Variants in FERMT2 observed in about 807,000 individuals in gnomAD.
FERMT2 encodes the protein FERM domain containing kindlin 2.
A neutral mutation model predicts 82.7 loss-of-function variants in FERMT2; 15 were observed. The observed-to-expected ratio is 0.18, with a 90% CI of 0.12 to 0.28. The LOEUF is 0.28. Among genes scored for constraint, FERMT2 ranks in the 10% least tolerant of loss-of-function variants. The pLI, the probability that FERMT2 is intolerant of heterozygous loss-of-function variation, is 1.00. For synonymous variants in FERMT2, 274 were observed against 271.5 expected (o/e 1.01, Z -0.09); for missense variants, 645 against 809.4 (o/e 0.80, Z 2.46).
chr14:52,899,394 T>C (rs1594965072), intron 3 of FERMT2, among the ~76,000 whole-genome samples: 1 of 152,216 alleles, frequency 6.6e-6, no homozygotes, highest in African/African-American at 2.4e-5. Context: ...GCGATTCCCC[T>C]GCCTCAGCCT....
chr14:52,860,347 A>G lies in FERMT2; in HGVS notation c.1721T>C (p.Ile574Thr). The change falls in exon 13 of 15, where the codon ATT (isoleucine) becomes ACT (threonine). Residue 574 changes from isoleucine to threonine, a missense_variant. Physicochemically the swap from Ile to Thr is moderately conservative, Grantham distance 89 (BLOSUM62 -1). Coordinates refer to ENST00000341590, the MANE Select transcript of FERMT2 (RefSeq NM_006832.3). ...SLPEFGITHF[I>T]ARFQGGKKEE... is the part of the protein sequence containing the mutation. ...GATGCTTAGAACCACTGACCTTGCA[A>G]TGAAGTGAGTGATGCCAAATTCAGG... is the stretch of plus-strand genomic sequence containing the variant. 1.2e-6 allele frequency: 2 copies of G among 1,613,838 alleles called. No homozygotes were observed. Among genetic ancestry groups the G allele is most frequent in the Middle Eastern group, 1.7e-4 (1 of 6,056 alleles).
chr14:52,933,056 A>G (rs1369794508), intron 2 of FERMT2, among the ~76,000 whole-genome samples: 1 of 152,112 alleles, frequency 6.6e-6, no homozygotes, highest in Non-Finnish European at 1.5e-5. Flanking sequence ...AAGCATACAA[A>G]TATTTCCTCC....
chr14:52,861,074 AG>A lies in FERMT2; in HGVS notation c.1603-610del, dbSNP rs566455066. ...GCGAGGAAAGAAAAAGGAAGCAGAA[AG>A]AAAAAAAAAGGCAATCAGAAAAAAT... On this transcript the variant is annotated intron_variant, in intron 12 of 14. Coordinates refer to ENST00000341590, the MANE Select transcript of FERMT2 (RefSeq NM_006832.3). 336 of 1,487,572 alleles carry A rather than the reference AG, an allele frequency of 2.3e-4. 2 individuals are homozygous for A. The African/African-American group carries it at 4.5e-3, about 20-fold the overall frequency. 92.1% of individuals were successfully genotyped at this position (1,487,572 alleles called of 1,614,324 possible).
chr14:52,916,116 G>A (rs547282154), intron 3 of FERMT2, among the ~76,000 whole-genome samples: 2 of 152,210 alleles, frequency 1.3e-5, no homozygotes, highest in Non-Finnish European at 2.9e-5. Flanking sequence ...GGCGGAGGTG[G>A]GTGGATCGCC....
intron 2 of FERMT2, among the ~76,000 whole-genome samples, chr14:52,924,941 A>T (rs1440711209): frequency 1.3e-5 from 2 of 152,192 alleles, no homozygotes; most frequent in Non-Finnish European, 2.9e-5. Context: ...CCTTCAGCAG[A>T]GTATCACTTC....
chr14:52,864,002 A>AT (rs75953200), intron 12 of FERMT2, among the ~76,000 whole-genome samples: 53 of 148,826 alleles, frequency 3.6e-4, no homozygotes, highest in East Asian at 9.8e-4. Flanking sequence ...AATGATAAAG[A>AT]TTTTTTTTTT....
At chr14:52,870,303 G>A (rs1019292571) in intron 10 of FERMT2, among the ~76,000 whole-genome samples, 6 of 150,388 alleles carry the variant, frequency 4.0e-5, no homozygotes, top group Non-Finnish European at 8.8e-5. Flanking sequence ...AAGCTGGAGT[G>A]CAATGGCGTG....
intron 3 of FERMT2, among the ~76,000 whole-genome samples, chr14:52,906,468 A>AAAAAAAT (rs1248102044): frequency 3.9e-5 from 6 of 151,994 alleles, no homozygotes; most frequent in African/African-American, 1.5e-4. Context: ...TGGTGATCAG[A>AAAAAAAT]AAAAAATTCA....
In FERMT2 at chr14:52,857,942, A is replaced by G. The variant is rs1884667291; in HGVS notation, c.*435T>C. On this transcript the variant is annotated 3_prime_UTR_variant, in exon 15 of 15. Transcript: ENST00000341590. Reference sequence around the variant, plus strand: ...TATTTGGGGGTAGGGGGAGGAATTAAATGGCTACCAGAAGTAGGATATTTT... The same window carrying G: ...TATTTGGGGGTAGGGGGAGGAATTAGATGGCTACCAGAAGTAGGATATTTT... 6.5e-6 allele frequency: 1 copy of G among 154,694 alleles called. No homozygotes were observed. The highest frequency in any genetic ancestry group is 1.4e-5 in the Non-Finnish European group (1 of 69,344). The allele number at this position is 154,694 out of a possible 1,614,324, so 9.6% of individuals were successfully genotyped here.
chr14:52,879,928 A>G (rs1886192680), intron 6 of FERMT2, among the ~76,000 whole-genome samples: 1 of 152,196 alleles, frequency 6.6e-6, no homozygotes, highest in African/African-American at 2.4e-5. Flanking sequence ...AAAGACAAGT[A>G]ACAGTGTTTG....
At chr14:52,858,640 A>G in intron 14 of FERMT2, 90 bp from the exon 15 acceptor site, 1 of 1,138,910 alleles carries the variant, frequency 8.8e-7, no homozygotes. Context: ...AGTCTGTCAT[A>G]TCACAAAACA....
chr14:52,937,293 G>A (rs1889889591), intron 2 of FERMT2, among the ~76,000 whole-genome samples: 1 of 152,110 alleles, frequency 6.6e-6, no homozygotes, highest in Admixed American at 6.5e-5. Context: ...GCATCCAATA[G>A]GCTCTCATTT....
chr14:52,910,924 AAATT>A (rs1210075182), intron 3 of FERMT2, among the ~76,000 whole-genome samples: 5 of 152,224 alleles, frequency 3.3e-5, no homozygotes, highest in Admixed American at 2.0e-4. Flanking sequence ...CAAGAGAGTT[AAATT>A]AATTAAGGGG....
intron 2 of FERMT2, among the ~76,000 whole-genome samples, chr14:52,949,384 A>C (rs1276528726): frequency 2.8e-5 from 4 of 145,408 alleles, no homozygotes; most frequent in Non-Finnish European, 6.1e-5. Context: ...TGTTTAAAAA[A>C]AAAAAGAAAA....
At chr14:52,943,349 T>C (rs1178714578) in intron 2 of FERMT2, among the ~76,000 whole-genome samples, 1 of 152,190 alleles carries the variant, frequency 6.6e-6, no homozygotes, top group African/African-American at 2.4e-5. Context: ...ACAGATACTA[T>C]CATTTTACAT....
chr14:52,936,992 T>TA (rs540989571), intron 2 of FERMT2, among the ~76,000 whole-genome samples: 2,180 of 147,556 alleles, frequency 0.015, 51 homozygotes, highest in East Asian at 0.074. Context: ...CCATCTCTAC[T>TA]AAAAAAAAAA....
rs1413514823 is a variant in FERMT2 at position 52,886,378 on chromosome 14, T to A, written c.527-4909A>T. 6.8e-4 allele frequency among the ~76,000 whole-genome samples: 104 copies of A among 151,956 alleles called. 3 individuals carry two copies. Among genetic ancestry groups the A allele is most frequent in the Non-Finnish European group, 1.5e-4 (10 of 67,980 alleles). On this transcript the variant is annotated intron_variant, in intron 4 of 14. Transcript: ENST00000341590. The stretch of plus-strand genomic sequence containing the variant: ...TTTTAGAGACAGGGTCTTGCTCTGT[T>A]GCCCAGGCTGGAATGCAGCAGTGTG...
chr14:52,895,405 A>C (rs1280424006), intron 3 of FERMT2, among the ~76,000 whole-genome samples: 2 of 152,228 alleles, frequency 1.3e-5, no homozygotes, highest in Non-Finnish European at 2.9e-5. Flanking sequence ...GATTCATAAA[A>C]GCCAAAACTG....
intron 3 of FERMT2, among the ~76,000 whole-genome samples, chr14:52,903,252 A>G (rs1022856868): frequency 1.3e-5 from 2 of 152,168 alleles, no homozygotes; most frequent in African/African-American, 4.8e-5. Context: ...GAACACTATT[A>G]GGAGGCCAGG....
Sources: gnomAD v4.1 joint callset for allele counts (sites outside exome capture counted in the v4.1 genomes callset) on GRCh38, gnomAD v4.1.1 for gene constraint, MANE v1.5 for transcripts, NCBI Gene and HGNC (gene_info 2026-07-23, HGNC 2026-07-21) for gene names.